The following MEOX2 variants were observed in gnomAD, a reference collection of about 807,000 sequenced individuals.
MEOX2 encodes the protein mesenchyme homeobox 2, also known as homeobox protein MOX-2.
Under a neutral mutation model 27.0 loss-of-function variants are expected in MEOX2, and 11 were observed. That is an observed-to-expected ratio of 0.41 (90% CI 0.26 to 0.68). The LOEUF is 0.68. Ranked by LOEUF, MEOX2 falls within the 30% of genes least tolerant of loss-of-function variation. The pLI, the probability that MEOX2 is intolerant of heterozygous loss-of-function variation, is 0.33. For synonymous variants in MEOX2, 189 were observed against 155.4 expected, an observed-to-expected ratio of 1.22 and a Z score of -1.61; for missense variants, 436 against 385.4, an observed-to-expected ratio of 1.13 and a Z score of -1.10.
In MEOX2 at chr7:15,674,470, G is replaced by A. The variant is rs116166425; in HGVS notation, c.517+11416C>T. Among the ~76,000 whole-genome samples the A allele has an allele frequency of 8.3e-3, 1,267 of 152,004 alleles. 22 individuals are homozygous for A. The highest frequency in any genetic ancestry group is 0.028 in the African/African-American group (1,176 of 41,458). ...CAATGGAACTCAGTCTTAAATATAA[G>A]TCTAATAGAAAAGAAGAAATCATCA... On this transcript the variant is annotated intron_variant, in intron 1 of 2. Coordinates refer to ENST00000262041, the MANE Select transcript of MEOX2 (RefSeq NM_005924.5).
intron 1 of MEOX2, among the ~76,000 whole-genome samples, chr7:15,643,879 C>T (rs1781601548): frequency 6.6e-6 from 1 of 152,152 alleles, no homozygotes; most frequent in Non-Finnish European, 1.5e-5. Flanking sequence ...GCAGTTTTGT[C>T]CTCTGGCCCT....
chr7:15,620,717 G>A (rs1279799038), intron 2 of MEOX2, among the ~76,000 whole-genome samples: 1 of 152,186 alleles, frequency 6.6e-6, no homozygotes, highest in Non-Finnish European at 1.5e-5. Context: ...TGATTTATGA[G>A]TAAAAAACAA....
At chr7:15,622,374 A>G (rs529491497) in intron 2 of MEOX2, among the ~76,000 whole-genome samples, 5 of 152,236 alleles carry the variant, frequency 3.3e-5, no homozygotes, top group African/African-American at 1.2e-4. Context: ...TCACACACCC[A>G]TATAAAATGA....
rs116455675 is a variant in MEOX2, at chr7:15,674,476, T to A, written c.517+11410A>T. Reference sequence around the variant, plus strand: ...AACTCAGTCTTAAATATAAGTCTAATAGAAAAGAAGAAATCATCAGCTGAG... The same window carrying A: ...AACTCAGTCTTAAATATAAGTCTAAAAGAAAAGAAGAAATCATCAGCTGAG... On this transcript the variant is annotated intron_variant, in intron 1 of 2. Transcript: ENST00000262041. Among the ~76,000 whole-genome samples the A allele has an allele frequency of 7.3e-3, 1,113 of 151,820 alleles. 10 individuals carry two copies. The highest frequency in any genetic ancestry group is 0.026 in the African/African-American group (1,057 of 41,418).
chr7:15,664,471 T>C (rs1165312620), intron 1 of MEOX2, among the ~76,000 whole-genome samples: 1 of 152,158 alleles, frequency 6.6e-6, no homozygotes, highest in Non-Finnish European at 1.5e-5. Flanking sequence ...CAACATCAAA[T>C]ATGCCAGCAA....
chr7:15,646,609 A>G (rs1177667094), intron 1 of MEOX2, among the ~76,000 whole-genome samples: 2 of 152,022 alleles, frequency 1.3e-5, no homozygotes, highest in African/African-American at 4.8e-5. Flanking sequence ...ATACTTATCT[A>G]TGAAAATGTC....
At chr7:15,676,901 A>G (rs894161439) in intron 1 of MEOX2, among the ~76,000 whole-genome samples, 1 of 152,042 alleles carries the variant, frequency 6.6e-6, no homozygotes, top group Non-Finnish European at 1.5e-5. Context: ...ATTTTGCTCA[A>G]TATGCACTCT....
At chr7:15,669,126 G>A (rs1414092786) in intron 1 of MEOX2, among the ~76,000 whole-genome samples, 4 of 152,056 alleles carry the variant, frequency 2.6e-5, no homozygotes, top group South Asian at 2.1e-4. Flanking sequence ...CACCAATATC[G>A]TACGAGTAAA....
chr7:15,640,884 C>T (rs141036131), intron 1 of MEOX2, among the ~76,000 whole-genome samples: 125 of 152,210 alleles, frequency 8.2e-4, no homozygotes, highest in African/African-American at 2.8e-3. Flanking sequence ...CTAACTTGAA[C>T]GTGATGAATT....
intron 1 of MEOX2, among the ~76,000 whole-genome samples, chr7:15,653,461 G>A (rs961486767): frequency 6.6e-6 from 1 of 151,798 alleles, no homozygotes; most frequent in Non-Finnish European, 1.5e-5. Flanking sequence ...GTCTTTCACG[G>A]AGCAAAAACT....
rs1178375321 is a variant in MEOX2 at position 15,686,470 on chromosome 7, C to CT, written c.-69dup. 5 of 1,372,298 alleles carry CT rather than the reference C, an allele frequency of 3.6e-6. No individual in the cohort carries two copies. Among genetic ancestry groups the CT allele is most frequent in the Non-Finnish European group, 4.9e-6 (5 of 1,019,882 alleles). The allele number at this position is 1,372,298 out of a possible 1,614,324, so 85.0% of individuals were successfully genotyped here. On this transcript the variant is annotated 5_prime_UTR_variant, in exon 1 of 3. Transcript: ENST00000262041. ...TTCCAAAGGCCACCACCCTCTGTCACTTTTTCACTGGAAACCGTGTGATTT... is the reference window on the plus strand; with the variant it reads ...TTCCAAAGGCCACCACCCTCTGTCACTTTTTTCACTGGAAACCGTGTGATTT...
chr7:15,611,985 A>G lies in MEOX2; in HGVS notation c.*402T>C, dbSNP rs973699472. On this transcript the variant is annotated 3_prime_UTR_variant, in exon 3 of 3. Coordinates refer to ENST00000262041, the MANE Select transcript of MEOX2 (RefSeq NM_005924.5). The stretch of plus-strand genomic sequence containing the variant: ...AGCAAATACCTGCCCACTGTAATAC[A>G]CATGATCTCACACATCTGGAATGTT... The G allele has an allele frequency of 2.5e-5, 5 of 199,408 alleles. No homozygotes were observed. Among genetic ancestry groups the G allele is most frequent in the African/African-American group, 1.1e-4 (5 of 43,642 alleles). 12.4% of individuals were successfully genotyped at this position (199,408 alleles called of 1,614,324 possible).
At chr7:15,660,266 A>G (rs1781891347) in intron 1 of MEOX2, among the ~76,000 whole-genome samples, 2 of 152,212 alleles carry the variant, frequency 1.3e-5, no homozygotes, top group South Asian at 4.1e-4. Context: ...TAGCCCATGG[A>G]GAACACCGGA....
chr7:15,623,059 C>T (rs1781245150), intron 2 of MEOX2, among the ~76,000 whole-genome samples: 1 of 152,114 alleles, frequency 6.6e-6, no homozygotes, highest in Non-Finnish European at 1.5e-5. Flanking sequence ...TGTTTATAAG[C>T]CACCCAGTCT....
intron 1 of MEOX2, among the ~76,000 whole-genome samples, chr7:15,659,758 C>CAAAAAAAAAAAAAAAA (rs58319551): frequency 1.8e-5 from 1 of 54,216 alleles, no homozygotes; most frequent in Admixed American, 2.1e-4. Flanking sequence ...AGACTGCTCT[C>CAAAAAAAAAAAAAAAA]AAAAAAAAAA....
intron 1 of MEOX2, among the ~76,000 whole-genome samples, chr7:15,641,593 G>A (rs1213422826): frequency 2.0e-5 from 3 of 151,978 alleles, no homozygotes; most frequent in Non-Finnish European, 2.9e-5. Flanking sequence ...CTTTTAAGTG[G>A]GGCAGTTAGG....
chr7:15,615,392 G>A (rs1214218037), intron 2 of MEOX2, among the ~76,000 whole-genome samples: 1 of 147,996 alleles, frequency 6.8e-6, no homozygotes, highest in Non-Finnish European at 1.5e-5. Context: ...TTTGGTTCCT[G>A]TTATATTTCA....
chr7:15,650,864 G>C (rs1398767269), intron 1 of MEOX2, among the ~76,000 whole-genome samples: 1 of 152,012 alleles, frequency 6.6e-6, no homozygotes, highest in Admixed American at 6.6e-5. Flanking sequence ...CGATCTGCCT[G>C]CCTTTTATTA....
chr7:15,659,758 CAAAAAAAAAAAAA>C (rs58319551), intron 1 of MEOX2, among the ~76,000 whole-genome samples: 1 of 54,216 alleles, frequency 1.8e-5, no homozygotes, highest in Non-Finnish European at 4.0e-5. Context: ...AGACTGCTCT[CAAAAAAAAAAAAA>C]AAAAAAAAAA....
Sources: allele counts gnomAD v4.1 joint callset (sites outside exome capture counted in the v4.1 genomes callset), GRCh38; gene constraint gnomAD v4.1.1; transcripts MANE v1.5; gene names NCBI Gene and HGNC (gene_info 2026-07-23, HGNC 2026-07-21).